The following KLHL29 variants were observed in gnomAD, a reference collection of about 807,000 sequenced individuals.
KLHL29 encodes kelch-like protein 29.
In KLHL29, 21 loss-of-function variants were observed where a neutral mutation model predicts 80.4. The ratio of observed to expected loss-of-function variants is 0.26; its 90% CI spans 0.19 to 0.38. The LOEUF is 0.38. KLHL29 is among the 10% of genes least tolerant of loss of function. KLHL29 has a pLI of 1.00. For missense variants in KLHL29, 867 were observed against 1,223.9 expected (o/e 0.71, Z 4.35); for synonymous variants, 511 against 526.8 (o/e 0.97, Z 0.41).
At chr2:23,480,118 G>C (rs1245613551) in intron 2 of KLHL29, among the ~76,000 whole-genome samples, 1 of 152,228 alleles carries the variant, frequency 6.6e-6, no homozygotes, top group African/African-American at 2.4e-5. Context: ...GACCTTGAAA[G>C]GTGACAAGGG....
chr2:23,391,403 C>T (rs1215318378), intron 1 of KLHL29, among the ~76,000 whole-genome samples: 1 of 152,008 alleles, frequency 6.6e-6, no homozygotes, highest in Non-Finnish European at 1.5e-5. Flanking sequence ...GGGTCTATAC[C>T]CAGAAGTGGA....
intron 2 of KLHL29, among the ~76,000 whole-genome samples, chr2:23,520,502 G>A (rs1398294139): frequency 6.6e-6 from 1 of 152,242 alleles, no homozygotes; most frequent in Non-Finnish European, 1.5e-5. Context: ...ATCCAAGGAG[G>A]GGACCTACTG....
intron 2 of KLHL29, among the ~76,000 whole-genome samples, chr2:23,544,360 T>G (rs1666928426): frequency 6.6e-6 from 1 of 152,206 alleles, no homozygotes; most frequent in Non-Finnish European, 1.5e-5. Context: ...CTGCGCTGCC[T>G]GGGCGTGAAT....
intron 3 of KLHL29, among the ~76,000 whole-genome samples, chr2:23,579,341 G>C (rs542936049): frequency 6.6e-6 from 1 of 152,302 alleles, no homozygotes; most frequent in Admixed American, 6.5e-5. Context: ...CTAACTCCCA[G>C]TTCTTTTCCC....
chr2:23,397,389 G>A (rs893258378), intron 1 of KLHL29, among the ~76,000 whole-genome samples: 6 of 152,222 alleles, frequency 3.9e-5, no homozygotes, highest in Non-Finnish European at 5.9e-5. Context: ...ACAATAATGC[G>A]TTTTTGTTAA....
At chr2:23,645,811 G>A (rs1218373205) in intron 5 of KLHL29, among the ~76,000 whole-genome samples, 1 of 152,158 alleles carries the variant, frequency 6.6e-6, no homozygotes, top group Admixed American at 6.5e-5. Context: ...AAGGGCGTTG[G>A]GACTTTAATT....
intron 1 of KLHL29, among the ~76,000 whole-genome samples, chr2:23,428,608 C>T (rs1046730768): frequency 7.2e-5 from 11 of 152,146 alleles, no homozygotes; most frequent in Non-Finnish European, 2.9e-5. Context: ...TCCTACCCCC[C>T]GCCACACACA....
chr2:23,511,796 T>G (rs1458047362), intron 2 of KLHL29, among the ~76,000 whole-genome samples: 1 of 152,060 alleles, frequency 6.6e-6, no homozygotes, highest in Non-Finnish European at 1.5e-5. Context: ...GTGGCTGCAG[T>G]GACTTTATCT....
Position 23,692,376 on chromosome 2 carries a change from G to C in KLHL29, c.1282+500G>C, listed in dbSNP as rs147764205. On this transcript the variant is annotated intron_variant, in intron 7 of 13. Transcript: ENST00000486442. ...GGGGACTGAGTGTCAGGAGCTCCCG[G>C]GGGGGTCGCTGACCCGAACAACATG... Among the ~76,000 whole-genome samples, 490 of 152,286 alleles carry C rather than the reference G, an allele frequency of 3.2e-3. 4 individuals carry two copies. Among genetic ancestry groups the C allele is most frequent in the Non-Finnish European group, 4.6e-3 (313 of 68,030 alleles).
chr2:23,595,556 G>A (rs1668374137), intron 3 of KLHL29, among the ~76,000 whole-genome samples: 1 of 152,250 alleles, frequency 6.6e-6, no homozygotes, highest in South Asian at 2.1e-4. Flanking sequence ...GCAGTAGAAG[G>A]ATGAGAGATG....
chr2:23,683,912 G>A (rs891365278), intron 5 of KLHL29, among the ~76,000 whole-genome samples: 3 of 152,210 alleles, frequency 2.0e-5, no homozygotes, highest in African/African-American at 7.2e-5. Context: ...CATAAGGGAC[G>A]CTGTTTTTGC....
At chr2:23,402,357 C>T (rs1666616091) in intron 1 of KLHL29, among the ~76,000 whole-genome samples, 2 of 152,368 alleles carry the variant, frequency 1.3e-5, no homozygotes, top group East Asian at 1.9e-4. Flanking sequence ...GACTGTGCAT[C>T]TGAATCTGAG....
intron 1 of KLHL29, among the ~76,000 whole-genome samples, chr2:23,456,864 G>A (rs547977538): frequency 1.3e-5 from 2 of 152,336 alleles, no homozygotes; most frequent in East Asian, 3.9e-4. Context: ...TGTCTCCCTT[G>A]TGCACCCAGG....
Position 23,695,582 on chromosome 2 carries a change from TCTTGCTAG to T in KLHL29, c.1543-40_1543-33del, listed in dbSNP as rs1671901891. ...TCTTTCCGTCCGGGAGGTGGCTCTC[TCTTGCTAG>T]TCTAAGAAGATTCTGTCTCCTGTAC... On this transcript the variant is annotated intron_variant, in intron 8 of 13. Coordinates refer to ENST00000486442, the MANE Select transcript of KLHL29 (RefSeq NM_052920.2). The surrounding 1 kb of genome is among the most constrained non-coding windows in gnomAD (Gnocchi z 7.6). The T allele has an allele frequency of 1.4e-6, 2 of 1,421,196 alleles. No individual in the cohort carries two copies. Among genetic ancestry groups the T allele is most frequent in the Admixed American group, 4.6e-5 (2 of 43,952 alleles). 88.0% of individuals were successfully genotyped at this position (1,421,196 alleles called of 1,614,324 possible).
chr2:23,505,579 C>T (rs555966215), intron 2 of KLHL29, among the ~76,000 whole-genome samples: 3 of 152,332 alleles, frequency 2.0e-5, no homozygotes, highest in South Asian at 2.1e-4. Context: ...CCCATCCCTG[C>T]ATCCCAACAG....
chr2:23,423,808 C>T (rs1285334208), intron 1 of KLHL29, among the ~76,000 whole-genome samples: 1 of 152,206 alleles, frequency 6.6e-6, no homozygotes, highest in Non-Finnish European at 1.5e-5. Flanking sequence ...AACCCCAGCA[C>T]AACGATGTGT....
chr2:23,663,133 T>C (rs1024183084), intron 5 of KLHL29, among the ~76,000 whole-genome samples: 1 of 152,182 alleles, frequency 6.6e-6, no homozygotes, highest in Admixed American at 6.5e-5. Flanking sequence ...TGCTCCTCGC[T>C]GCTCCTCGCT....
chr2:23,671,176 T>A (rs929842863), intron 5 of KLHL29, among the ~76,000 whole-genome samples: 3 of 151,946 alleles, frequency 2.0e-5, no homozygotes, highest in Non-Finnish European at 4.4e-5. Flanking sequence ...TCTGGTTCAC[T>A]AATTCTTGCA....
At chr2:23,391,545 C>T (rs968551870) in intron 1 of KLHL29, among the ~76,000 whole-genome samples, 1 of 152,140 alleles carries the variant, frequency 6.6e-6, no homozygotes, top group African/African-American at 2.4e-5. Flanking sequence ...AAGCAATTAT[C>T]CTGCCTCAGC....
Sources: gnomAD v4.1 joint callset for allele counts (sites outside exome capture counted in the v4.1 genomes callset) on GRCh38, gnomAD v4.1.1 for gene constraint, Gnocchi (gnomAD v3.1) non-coding constraint, MANE v1.5 for transcripts, NCBI Gene and HGNC (gene_info 2026-07-23, HGNC 2026-07-21) for gene names.